Variants in BMERB1 observed in about 807,000 individuals in gnomAD.
The protein encoded by BMERB1 is bMERB domain-containing protein 1.
A neutral mutation model predicts 23.6 loss-of-function variants in BMERB1; 12 were observed. That is an observed-to-expected ratio of 0.51 (90% CI 0.33 to 0.82). The LOEUF is 0.82. Ranked by LOEUF, BMERB1 falls within the 40% of genes least tolerant of loss-of-function variation. BMERB1 has a pLI of 0.03. For missense variants in BMERB1, 247 were observed against 255.4 expected (o/e 0.97, Z 0.22); for synonymous variants, 122 against 96.6 (o/e 1.26, Z -1.54).
At chr16:15,449,736 A>G (rs1000732901) in intron 1 of BMERB1, among the ~76,000 whole-genome samples, 2 of 151,872 alleles carry the variant, frequency 1.3e-5, no homozygotes, top group Non-Finnish European at 2.9e-5. Context: ...ACTAGAGACA[A>G]GCTTTCACCA....
intron 1 of BMERB1, among the ~76,000 whole-genome samples, chr16:15,468,135 CTTTT>C (rs749534588): frequency 3.2e-4 from 10 of 31,044 alleles, no homozygotes; most frequent in African/African-American, 5.2e-4. Flanking sequence ...CTTTCTTCTT[CTTTT>C]TTTTTTTTTT....
intron 4 of BMERB1, among the ~76,000 whole-genome samples, chr16:15,582,787 T>G (rs140469124): frequency 0.025 from 3,738 of 152,266 alleles, 65 homozygotes; most frequent in Non-Finnish European, 0.04. Context: ...CTGGGGTGAC[T>G]CGCTCTCTGA....
chr16:15,490,740 A>G (rs1700460964), intron 1 of BMERB1, among the ~76,000 whole-genome samples: 1 of 152,248 alleles, frequency 6.6e-6, no homozygotes, highest in South Asian at 2.1e-4. Context: ...ACCCTCTGCA[A>G]AGATCTGTGA....
chr16:15,467,610 A>G (rs1408073306), intron 1 of BMERB1, among the ~76,000 whole-genome samples: 2 of 152,046 alleles, frequency 1.3e-5, no homozygotes, highest in Admixed American at 6.6e-5. Flanking sequence ...CTTGTTGGGT[A>G]TGTGGTTTGC....
intron 2 of BMERB1, among the ~76,000 whole-genome samples, chr16:15,541,765 C>A (rs1327750263): frequency 6.6e-6 from 1 of 151,538 alleles, no homozygotes; most frequent in Non-Finnish European, 1.5e-5. Context: ...CCATGCCTGG[C>A]TAATTTTTTT....
chr16:15,548,107 C>T (rs1316003911), intron 2 of BMERB1, among the ~76,000 whole-genome samples: 2 of 152,106 alleles, frequency 1.3e-5, no homozygotes, highest in Non-Finnish European at 2.9e-5. Flanking sequence ...GCCTCAGCCT[C>T]CCGAGTAGCT....
intron 1 of BMERB1, among the ~76,000 whole-genome samples, chr16:15,486,153 G>A (rs1443897214): frequency 2.1e-5 from 3 of 143,564 alleles, no homozygotes; most frequent in East Asian, 4.3e-4. Context: ...AGTGAGCCGA[G>A]ATCGTGCCAC....
chr16:15,526,161 G>T (rs1258911132), intron 2 of BMERB1, among the ~76,000 whole-genome samples: 3 of 152,102 alleles, frequency 2.0e-5, no homozygotes. Context: ...TTCTATTGTT[G>T]TAGAACATTC....
intron 2 of BMERB1, among the ~76,000 whole-genome samples, chr16:15,564,541 A>T (rs1188775997): frequency 6.6e-6 from 1 of 152,252 alleles, no homozygotes; most frequent in Non-Finnish European, 1.5e-5. Flanking sequence ...TAATTGGTTT[A>T]TTTGCAAAAT....
At chr16:15,443,671 A>C (rs2050960755) in intron 1 of BMERB1, among the ~76,000 whole-genome samples, 1 of 152,030 alleles carries the variant, frequency 6.6e-6, no homozygotes, top group Admixed American at 6.6e-5. Flanking sequence ...TAATCCCAGC[A>C]CTTTGGGAGG....
At chr16:15,581,142 C>G in intron 3 of BMERB1, 75 bp from the exon 4 acceptor site, 1 of 1,091,750 alleles carries the variant, frequency 9.2e-7, no homozygotes, top group Non-Finnish European at 1.3e-6. Flanking sequence ...GTCTGAAACT[C>G]CTGACCTCAA....
At chr16:15,485,114 C>G (rs966333652) in intron 1 of BMERB1, among the ~76,000 whole-genome samples, 10 of 152,212 alleles carry the variant, frequency 6.6e-5, no homozygotes, top group Admixed American at 2.0e-4. Context: ...AGTCATGGGA[C>G]TGAGTATTAT....
At chr16:15,525,121 T>C (rs2051893742) in intron 2 of BMERB1, among the ~76,000 whole-genome samples, 1 of 148,136 alleles carries the variant, frequency 6.8e-6, no homozygotes. Context: ...TAAAGCAGAC[T>C]GCCCTCCCTA....
chr16:15,445,781 C>G (rs1200045947), intron 1 of BMERB1, among the ~76,000 whole-genome samples: 1 of 152,124 alleles, frequency 6.6e-6, no homozygotes, highest in Non-Finnish European at 1.5e-5. Context: ...TGGGTATTTA[C>G]CCAACAGAAA....
chr16:15,542,896 C>T (rs1290444446), intron 2 of BMERB1, among the ~76,000 whole-genome samples: 1 of 152,026 alleles, frequency 6.6e-6, no homozygotes, highest in African/African-American at 2.4e-5. Context: ...GGTCCCATGG[C>T]AGCGTCTAGG....
intron 1 of BMERB1, chr16:15,447,799 A>G (rs1336303422): frequency 4.4e-6 from 2 of 453,400 alleles, no homozygotes; most frequent in Non-Finnish European, 8.9e-6. Context: ...AGGATGGTTA[A>G]GCAGGACCAC....
intron 1 of BMERB1, among the ~76,000 whole-genome samples, chr16:15,463,534 T>G (rs1273909374): frequency 1.3e-5 from 2 of 152,138 alleles, no homozygotes; most frequent in Non-Finnish European, 2.9e-5. Context: ...TGCCCCCCAC[T>G]TTAACCACCT....
chr16:15,515,305 A>T lies in BMERB1; in HGVS notation c.107A>T (p.Asn36Ile). ...TAWKTERLGRNQLDIISMAET... is the reference protein window; with the variant it reads ...TAWKTERLGRIQLDIISMAET... ...GTTGTATTTCCTGTCTCCTGCACAG[A>T]TCAGCTGGACATCATCTCCATGGCG... The change falls in exon 2 of 6, where the codon AAT becomes ATT. Residue 36 changes from asparagine to isoleucine, a missense_variant and splice_region_variant. By Grantham distance (149) the Asn-to-Ile change is moderately radical (BLOSUM62 -3). Coordinates refer to ENST00000300006, the MANE Select transcript of BMERB1 (RefSeq NM_033201.3). The T allele has an allele frequency of 6.2e-7, 1 of 1,613,392 alleles. No homozygotes were observed. Among genetic ancestry groups the T allele is most frequent in the Non-Finnish European group, 8.5e-7 (1 of 1,179,968 alleles).
chr16:15,448,182 G>C (rs146481774), intron 1 of BMERB1: 1 of 289,584 alleles, frequency 3.5e-6, no homozygotes, highest in African/African-American at 2.3e-5. Flanking sequence ...GAGCCACTGC[G>C]CCTGGCCGGA....
Sources: allele counts gnomAD v4.1 joint callset (sites outside exome capture counted in the v4.1 genomes callset), GRCh38; gene constraint gnomAD v4.1.1; transcripts MANE v1.5; gene names NCBI Gene and HGNC (gene_info 2026-07-23, HGNC 2026-07-21).